The following DZIP1 variants were observed in gnomAD, a reference collection of about 807,000 sequenced individuals.
DZIP1 encodes cilium assembly protein DZIP1.
In DZIP1, 97 loss-of-function variants were observed where a neutral mutation model predicts 107.6. The observed-to-expected ratio is 0.90, with a 90% CI of 0.77 to 1.07. The LOEUF (loss-of-function observed/expected upper bound fraction) is 1.07, where lower values mean the gene tolerates loss of function less well. Ranked by LOEUF, DZIP1 falls within the 50% of genes least tolerant of loss-of-function variation. The pLI is 0.00. For synonymous variants in DZIP1, 390 were observed against 386.4 expected, an observed-to-expected ratio of 1.01 and a Z score of -0.11; for missense variants, 1,035 against 1,063.6, an observed-to-expected ratio of 0.97 and a Z score of 0.37.
intron 6 of DZIP1, 30 bp from the exon 7 acceptor site, chr13:95,630,143 C>A (rs1467587727): frequency 1.3e-6 from 2 of 1,594,348 alleles, no homozygotes; most frequent in Non-Finnish European, 8.5e-7. Context: ...TGTTAAAACA[C>A]CATCTCTTAC....
intron 9 of DZIP1, 60 bp from the exon 10 acceptor site, chr13:95,620,007 G>T: frequency 6.4e-7 from 1 of 1,567,678 alleles, no homozygotes; most frequent in South Asian, 1.1e-5. Flanking sequence ...TATGCAATAT[G>T]GGAGCTTCCT....
At chr13:95,634,998 C>CTT (rs1877622056) in intron 5 of DZIP1, among the ~76,000 whole-genome samples, 1 of 151,866 alleles carries the variant, frequency 6.6e-6, no homozygotes, top group Admixed American at 6.6e-5. Context: ...CCCTCCACCT[C>CTT]TTTTTTTTCC....
chr13:95,599,186 A>G (rs2044542618), intron 15 of DZIP1, among the ~76,000 whole-genome samples, 179 bp downstream of exon 15: 1 of 152,180 alleles, frequency 6.6e-6, no homozygotes, highest in South Asian at 2.1e-4. Flanking sequence ...AACAGAACAG[A>G]ATATTAGGGG....
chr13:95,631,312 C>A (rs1877168987), intron 6 of DZIP1, among the ~76,000 whole-genome samples: 1 of 151,904 alleles, frequency 6.6e-6, no homozygotes, highest in African/African-American at 2.4e-5. Context: ...AAAAGAAATA[C>A]AAAAACTAGC....
chr13:95,604,126 T>A (rs1408948764), intron 14 of DZIP1, among the ~76,000 whole-genome samples: 1 of 152,298 alleles, frequency 6.6e-6, no homozygotes, highest in East Asian at 1.9e-4. Context: ...CGCCCAACCC[T>A]GCTTCTCTCA....
rs147063954 is a variant in DZIP1 at position 95,632,776 on chromosome 13, C to T, written c.685+458G>A. On this transcript the variant is annotated intron_variant, in intron 6 of 22. Transcript: ENST00000376829. Reference sequence around the variant, plus strand: ...CCTATTCTATTCCATTCCACCAGCCCTTCTGTTCCTCAAACACATCATCCC... The same window carrying T: ...CCTATTCTATTCCATTCCACCAGCCTTTCTGTTCCTCAAACACATCATCCC... Among the ~76,000 whole-genome samples, 57 of 152,230 alleles carry T rather than the reference C, an allele frequency of 3.7e-4. No individual in the cohort carries two copies. The South Asian group carries it at 5.6e-3, about 15-fold the overall frequency.
Position 95,584,740 on chromosome 13 carries a change from T to A in DZIP1, c.2520A>T (p.Gly840=). The change falls in exon 22 of 23, where the codon GGA becomes GGT. Residue 840 remains glycine (G), a synonymous_variant. Transcript: ENST00000376829. Reference sequence around the variant, plus strand: ...TTAGAGGGGAAAGCAGCAAACCTTCTCCCTTTGGCCCCTTAGGATTAAATG... The same window carrying A: ...TTAGAGGGGAAAGCAGCAAACCTTCACCCTTTGGCCCCTTAGGATTAAATG... The part of the protein sequence containing the change: ...WGAFNPKGPK[G]EGLQENESST... 2 of 1,611,690 alleles carry A rather than the reference T, an allele frequency of 1.2e-6. No homozygotes were observed. Among genetic ancestry groups the A allele is most frequent in the Non-Finnish European group, 1.7e-6 (2 of 1,179,042 alleles).
chr13:95,635,197 C>G (rs938337413), intron 5 of DZIP1, among the ~76,000 whole-genome samples: 2 of 101,802 alleles, frequency 2.0e-5, no homozygotes, highest in African/African-American at 6.3e-5. Flanking sequence ...CTGCATATTT[C>G]CTTTTTTTTT....
chr13:95,616,897 T>C (rs1875156238), intron 10 of DZIP1, among the ~76,000 whole-genome samples: 2 of 152,120 alleles, frequency 1.3e-5, no homozygotes, highest in South Asian at 4.1e-4. Context: ...GCCTGTCTTA[T>C]TCAGGTGAGC....
chr13:95,594,412 A>T (rs1473385549), intron 15 of DZIP1, among the ~76,000 whole-genome samples: 1 of 152,220 alleles, frequency 6.6e-6, no homozygotes. Context: ...CACTAGAATT[A>T]TATCACTATT....
intron 6 of DZIP1, among the ~76,000 whole-genome samples, chr13:95,632,871 A>G (rs1329627033): frequency 6.6e-6 from 1 of 151,870 alleles, no homozygotes; most frequent in African/African-American, 2.4e-5. Flanking sequence ...CTTTCACCCC[A>G]CCTGGAGTCA....
chr13:95,612,993 G>T (rs772220759), intron 10 of DZIP1, among the ~76,000 whole-genome samples: 2 of 151,948 alleles, frequency 1.3e-5, no homozygotes, highest in Admixed American at 1.3e-4. Context: ...GAGGGGGAAT[G>T]GTGGGGATTA....
chr13:95,605,422 A>C (rs558697847), intron 14 of DZIP1, among the ~76,000 whole-genome samples: 2 of 152,366 alleles, frequency 1.3e-5, no homozygotes, highest in African/African-American at 4.8e-5. Flanking sequence ...GGCTACAAAT[A>C]TTCAGCCCAT....
At position 95,590,266 on chromosome 13, in the gene DZIP1, G is replaced by A; in HGVS notation, c.1843+13C>T. 6.3e-7 allele frequency: 1 copy of A among 1,590,344 alleles called. No individual in the cohort carries two copies. The highest frequency in any genetic ancestry group is 8.5e-7 in the Non-Finnish European group (1 of 1,171,522). On this transcript the variant is annotated intron_variant, in intron 17 of 22. Transcript: ENST00000376829. ...TAAATTAAGCTCCCATTTGCAGTGG[G>A]TAACAAGCTTACCTGAAGAGAGTAG... is the stretch of plus-strand genomic sequence containing the variant.
At chr13:95,637,614 C>A (rs1594743717) in intron 5 of DZIP1, among the ~76,000 whole-genome samples, 1 of 11,238 alleles carries the variant, frequency 8.9e-5, no homozygotes, top group African/African-American at 1.3e-4. Context: ...ATCTCTCTCT[C>A]TCTCTCTCTC....
intron 7 of DZIP1, among the ~76,000 whole-genome samples, chr13:95,625,985 A>C (rs1876499196): frequency 6.6e-6 from 1 of 151,660 alleles, no homozygotes; most frequent in African/African-American, 2.4e-5. Flanking sequence ...AAAAAAAATT[A>C]GCCAGGTATG....
At chr13:95,594,989 G>A (rs1193464143) in intron 15 of DZIP1, among the ~76,000 whole-genome samples, 3 of 152,100 alleles carry the variant, frequency 2.0e-5, no homozygotes, top group East Asian at 1.9e-4. Flanking sequence ...AAAGAGATGC[G>A]ACGTTTGGCA....
chr13:95,582,501 G>A (rs2044035235), intron 22 of DZIP1, among the ~76,000 whole-genome samples, 188 bp from the exon 23 acceptor site: 1 of 152,130 alleles, frequency 6.6e-6, no homozygotes, highest in Admixed American at 6.5e-5. Flanking sequence ...ACTGTGAACT[G>A]GTCGCATCTC....
Position 95,641,770 on chromosome 13 carries a change from G to T in DZIP1, c.122C>A (p.Ala41Asp), listed in dbSNP as rs1878538330. 5.8e-6 allele frequency: 9 copies of T among 1,556,588 alleles called. No homozygotes were observed. The highest frequency in any genetic ancestry group is 7.7e-6 in the Non-Finnish European group (9 of 1,163,146). The change falls in exon 5 of 23, where the codon GCC becomes GAC. Residue 41 changes from alanine to aspartate, a missense_variant. Transcript: ENST00000376829. This position sits in a 1 kb window ranked among gnomAD's most constrained non-coding sequence, Gnocchi z 4.3. ...GCTGGGGGGCGCACAGGCCATGGAG[G>T]CCGCACCCGCGGCGGCGGCGGCCAC... ...VAVAAAAAGA[A>D]SMACAPPSAA...
Sources: allele counts gnomAD v4.1 joint callset (sites outside exome capture counted in the v4.1 genomes callset), GRCh38; gene constraint gnomAD v4.1.1; non-coding constraint Gnocchi (gnomAD v3.1); transcripts MANE v1.5; gene names NCBI Gene and HGNC (gene_info 2026-07-23, HGNC 2026-07-21).